Variants in TRHDE observed in about 807,000 individuals in gnomAD.
The protein encoded by TRHDE is thyrotropin releasing hormone degrading enzyme.
Under a neutral mutation model 125.7 loss-of-function variants are expected in TRHDE, and 72 were observed. The observed-to-expected ratio is 0.57, with a 90% CI of 0.47 to 0.70. TRHDE has a LOEUF of 0.70. Ranked by LOEUF, TRHDE falls within the 30% of genes least tolerant of loss-of-function variation. The pLI is 0.00. For missense variants in TRHDE, 1,110 were observed against 1,327.1 expected (o/e 0.84, Z 2.54); for synonymous variants, 509 against 509.1 (o/e 1.00, Z 0.00).
intron 2 of TRHDE, among the ~76,000 whole-genome samples, chr12:72,207,422 T>A (rs1052192902): frequency 6.6e-6 from 1 of 152,106 alleles, no homozygotes; most frequent in African/African-American, 2.4e-5. Flanking sequence ...AGTGACAAGG[T>A]TGGGTACCAT....
chr12:72,653,961 T>C (rs1395681093), intron 17 of TRHDE, among the ~76,000 whole-genome samples: 2 of 152,178 alleles, frequency 1.3e-5, no homozygotes, highest in Admixed American at 6.5e-5. Context: ...AGAATGGCTG[T>C]GTCATATTAA....
rs532460993 is a variant in TRHDE, at chr12:72,278,172, C to G, written c.914+4615C>G. ...GTGAGGTCAACTTTTTTAGTTTCCA[C>G]ATATTACTGAGATCATGCAATATTT... On this transcript the variant is annotated intron_variant, in intron 1 of 18. Coordinates refer to ENST00000261180, the MANE Select transcript of TRHDE (RefSeq NM_013381.3). Among the ~76,000 whole-genome samples the G allele has an allele frequency of 8.3e-4, 127 of 152,218 alleles. No homozygotes were observed. The Middle Eastern group carries it at 0.014, about 16-fold the overall frequency.
intron 15 of TRHDE, among the ~76,000 whole-genome samples, chr12:72,629,003 G>A (rs1243185993): frequency 6.6e-6 from 1 of 151,802 alleles, no homozygotes; most frequent in Non-Finnish European, 1.5e-5. Flanking sequence ...CTACTTGAGG[G>A]ACTAACTAAT....
intron 7 of TRHDE, among the ~76,000 whole-genome samples, chr12:72,558,187 A>C (rs1352002618): frequency 1.3e-5 from 2 of 152,148 alleles, no homozygotes; most frequent in African/African-American, 4.8e-5. Context: ...ATAAACAGGC[A>C]CCTATGACAC....
intron 2 of TRHDE, among the ~76,000 whole-genome samples, chr12:72,150,422 A>G (rs1334284866): frequency 1.3e-5 from 2 of 151,492 alleles, no homozygotes; most frequent in Admixed American, 6.6e-5. Context: ...TTTTACTTTA[A>G]GTTTTAGGGT....
chr12:72,577,755 C>T (rs563044742), intron 12 of TRHDE, among the ~76,000 whole-genome samples: 13 of 152,212 alleles, frequency 8.5e-5, no homozygotes, highest in African/African-American at 2.4e-4. Context: ...GTTTCTTCTT[C>T]CCTAAGACAG....
At chr12:72,231,350 T>G (rs1878241885) in intron 2 of TRHDE, among the ~76,000 whole-genome samples, 3 of 152,154 alleles carry the variant, frequency 2.0e-5, no homozygotes, top group South Asian at 4.1e-4. Flanking sequence ...TATCCAAGTT[T>G]GAAAAACATA....
chr12:72,148,690 C>G (rs918819838), intron 2 of TRHDE, among the ~76,000 whole-genome samples: 11 of 152,204 alleles, frequency 7.2e-5, no homozygotes, highest in African/African-American at 2.7e-4. Context: ...TTTGGCATAT[C>G]ATGGTGCCCT....
intron 12 of TRHDE, among the ~76,000 whole-genome samples, chr12:72,597,051 G>A (rs1438996370): frequency 6.6e-6 from 1 of 152,098 alleles, no homozygotes; most frequent in Non-Finnish European, 1.5e-5. Context: ...ATTTAAAAAT[G>A]TTCCCTTTGC....
chr12:72,486,593 C>T (rs977853668), intron 5 of TRHDE, among the ~76,000 whole-genome samples: 4 of 152,174 alleles, frequency 2.6e-5, no homozygotes, highest in African/African-American at 9.7e-5. Context: ...TACACCACTG[C>T]ACCCGCATGG....
intron 2 of TRHDE, among the ~76,000 whole-genome samples, chr12:72,162,620 C>A (rs1355129538): frequency 1.3e-5 from 2 of 152,160 alleles, no homozygotes; most frequent in African/African-American, 2.4e-5. Context: ...GCACTGAATT[C>A]CCTACATAAA....
At chr12:72,501,202 A>G (rs933214705) in intron 6 of TRHDE, among the ~76,000 whole-genome samples, 3 of 152,052 alleles carry the variant, frequency 2.0e-5, no homozygotes, top group Non-Finnish European at 4.4e-5. Context: ...ATAGAATGCA[A>G]TTCATTTTTG....
At chr12:72,524,763 C>T (rs1035451930) in intron 6 of TRHDE, among the ~76,000 whole-genome samples, 1 of 152,040 alleles carries the variant, frequency 6.6e-6, no homozygotes, top group Non-Finnish European at 1.5e-5. Context: ...CCTTGTCTGT[C>T]GTGTCAGAAC....
rs187383452 is a variant in TRHDE, at chr12:72,424,097, T to G, written c.1316-45661T>G. 1.1e-3 allele frequency among the ~76,000 whole-genome samples: 167 copies of G among 152,256 alleles called. 1 individual carries two copies. The highest frequency in any genetic ancestry group is 3.3e-3 in the African/African-American group (136 of 41,542). On this transcript the variant is annotated intron_variant, in intron 3 of 18. Transcript: ENST00000261180. ...ACTGGGTAGCTCAAAACAACAAATG[T>G]GTTTTCTCAAGATCTAGAGGTTAAC...
intron 6 of TRHDE, among the ~76,000 whole-genome samples, chr12:72,500,537 A>G (rs1462787894): frequency 2.0e-5 from 3 of 151,968 alleles, no homozygotes; most frequent in Non-Finnish European, 4.4e-5. Flanking sequence ...GACTGCAGGC[A>G]TGTTCCACTA....
At chr12:72,346,592 T>C (rs1027305168) in intron 2 of TRHDE, among the ~76,000 whole-genome samples, 3 of 152,068 alleles carry the variant, frequency 2.0e-5, no homozygotes, top group African/African-American at 7.2e-5. Context: ...AGGCACCCTA[T>C]GTACTACTGT....
intron 5 of TRHDE, among the ~76,000 whole-genome samples, chr12:72,478,771 C>G (rs1186604531): frequency 6.6e-6 from 1 of 151,978 alleles, no homozygotes; most frequent in African/African-American, 2.4e-5. Flanking sequence ...TTGAGGAATC[C>G]TAATGTGCAT....
intron 2 of TRHDE, among the ~76,000 whole-genome samples, chr12:72,235,991 A>G (rs1302780993): frequency 2.6e-5 from 4 of 152,226 alleles, no homozygotes; most frequent in Non-Finnish European, 4.4e-5. Context: ...TGATTTTCCC[A>G]GAGCCACTTA....
chr12:72,289,752 C>T (rs898693901), intron 2 of TRHDE, among the ~76,000 whole-genome samples: 3 of 152,056 alleles, frequency 2.0e-5, no homozygotes, highest in Non-Finnish European at 4.4e-5. Context: ...GTGAGAGAAG[C>T]AATAAAGAAA....
Sources: gnomAD v4.1 joint callset for allele counts (sites outside exome capture counted in the v4.1 genomes callset) on GRCh38, gnomAD v4.1.1 for gene constraint, MANE v1.5 for transcripts, NCBI Gene and HGNC (gene_info 2026-07-23, HGNC 2026-07-21) for gene names.